The following FCHSD2 variants were observed in gnomAD, a reference collection of about 807,000 sequenced individuals.
FCHSD2 encodes the protein FCH and double SH3 domains 2.
FCHSD2 carries 38 observed loss-of-function variants against 108.1 expected under a neutral mutation model. The observed-to-expected ratio is 0.35, with a 90% CI of 0.27 to 0.46. FCHSD2 has a LOEUF of 0.46. FCHSD2 is among the 20% of genes least tolerant of loss of function. The probability of loss-of-function intolerance (pLI) is 1.00; values close to 1 mark genes in which losing one functional copy is unlikely to be tolerated. For synonymous variants in FCHSD2, 279 were observed against 314.7 expected, an observed-to-expected ratio of 0.89 and a Z score of 1.20; for missense variants, 751 against 897.8, an observed-to-expected ratio of 0.84 and a Z score of 2.09.
chr11:73,004,834 C>A (rs551681522), intron 4 of FCHSD2, among the ~76,000 whole-genome samples: 3 of 152,194 alleles, frequency 2.0e-5, no homozygotes, highest in African/African-American at 7.2e-5. Context: ...CATTCTTCAC[C>A]CACCCTTCTA....
At chr11:73,054,941 T>A (rs1340919811) in intron 3 of FCHSD2, among the ~76,000 whole-genome samples, 1 of 152,146 alleles carries the variant, frequency 6.6e-6, no homozygotes, top group Non-Finnish European at 1.5e-5. Context: ...ATTCTCACGC[T>A]GCTAAATAAA....
chr11:72,993,657 G>A (rs1857462624), intron 5 of FCHSD2, among the ~76,000 whole-genome samples: 2 of 150,724 alleles, frequency 1.3e-5, no homozygotes, highest in African/African-American at 4.9e-5. Flanking sequence ...CTATCGCAAG[G>A]ACAAAAAACC....
chr11:73,085,794 G>C (rs1565403098), intron 2 of FCHSD2, among the ~76,000 whole-genome samples: 1 of 151,868 alleles, frequency 6.6e-6, no homozygotes, highest in African/African-American at 2.4e-5. Flanking sequence ...GGTTCAAGTT[G>C]ATGTTTAAAA....
intron 3 of FCHSD2, among the ~76,000 whole-genome samples, chr11:73,046,750 T>TATTG (rs945894852): frequency 2.0e-4 from 30 of 152,188 alleles, no homozygotes; most frequent in Admixed American, 4.6e-4. Context: ...TTTGTTTGTT[T>TATTG]ATTGATTGAT....
chr11:72,958,622 T>C (rs531112625), intron 8 of FCHSD2, among the ~76,000 whole-genome samples: 1 of 152,238 alleles, frequency 6.6e-6, no homozygotes, highest in African/African-American at 2.4e-5. Flanking sequence ...TATTTTCCTA[T>C]ACTGATCCAT....
chr11:72,992,163 C>T (rs374653615), intron 5 of FCHSD2, among the ~76,000 whole-genome samples: 3 of 152,026 alleles, frequency 2.0e-5, no homozygotes, highest in Admixed American at 2.0e-4. Flanking sequence ...CCATTCACAA[C>T]TGCTTCAAAG....
At chr11:72,849,670 C>A in intron 14 of FCHSD2, 85 bp downstream of exon 14, 1 of 1,068,242 alleles carries the variant, frequency 9.4e-7, no homozygotes, top group Non-Finnish European at 1.4e-6. Flanking sequence ...ATGCTAAGTA[C>A]AGCTTGAGAG....
intron 4 of FCHSD2, among the ~76,000 whole-genome samples, chr11:73,005,506 T>C (rs1857720891): frequency 6.6e-6 from 1 of 152,248 alleles, no homozygotes; most frequent in Non-Finnish European, 1.5e-5. Flanking sequence ...CCAGCCATTC[T>C]TTAGTCTCCT....
chr11:72,902,506 G>T, intron 10 of FCHSD2, 37 bp downstream of exon 10: 3 of 1,411,134 alleles, frequency 2.1e-6, no homozygotes, highest in South Asian at 2.5e-5. Flanking sequence ...AAACACAACT[G>T]AACAACACAT....
At chr11:72,906,767 T>C (rs1442791098) in intron 9 of FCHSD2, among the ~76,000 whole-genome samples, 2 of 152,234 alleles carry the variant, frequency 1.3e-5, no homozygotes, top group Non-Finnish European at 1.5e-5. Flanking sequence ...GCATTTGTTC[T>C]GTTCCACTGG....
At chr11:72,893,089 C>T (rs1030970961) in intron 10 of FCHSD2, among the ~76,000 whole-genome samples, 3 of 152,130 alleles carry the variant, frequency 2.0e-5, no homozygotes, top group African/African-American at 7.2e-5. Context: ...ACCTCTGCCT[C>T]TCGGGTTCAA....
intron 9 of FCHSD2, among the ~76,000 whole-genome samples, chr11:72,921,013 G>T (rs536495707): frequency 3.9e-5 from 6 of 151,982 alleles, no homozygotes; most frequent in Admixed American, 1.3e-4. Context: ...ACACTGTCAT[G>T]TGAAAATGGA....
chr11:73,045,716 A>G (rs1440388516), intron 3 of FCHSD2, among the ~76,000 whole-genome samples: 1 of 151,656 alleles, frequency 6.6e-6, no homozygotes, highest in African/African-American at 2.4e-5. Flanking sequence ...GGAACTGAAC[A>G]ATGAGATCAC....
At chr11:72,901,866 T>G (rs987743296) in intron 10 of FCHSD2, among the ~76,000 whole-genome samples, 4 of 141,286 alleles carry the variant, frequency 2.8e-5, no homozygotes, top group Non-Finnish European at 6.0e-5. Context: ...TCTATTCTGG[T>G]TTTTTTTTTG....
intron 8 of FCHSD2, among the ~76,000 whole-genome samples, chr11:72,952,715 T>G (rs905579393): frequency 9.2e-5 from 14 of 152,106 alleles, no homozygotes; most frequent in Non-Finnish European, 1.5e-4. Context: ...TAGTGGAAGA[T>G]AAGGGAAGGA....
chr11:72,913,781 G>A (rs1335622338), intron 9 of FCHSD2, among the ~76,000 whole-genome samples: 3 of 143,134 alleles, frequency 2.1e-5, no homozygotes, highest in African/African-American at 7.8e-5. Context: ...ATTACTAATG[G>A]ACTCCCTTTC....
At chr11:72,894,845 A>G (rs906496441) in intron 10 of FCHSD2, among the ~76,000 whole-genome samples, 74 of 152,254 alleles carry the variant, frequency 4.9e-4, no homozygotes, top group African/African-American at 1.7e-3. Flanking sequence ...GAAAATATTC[A>G]TATGTTTCAC....
intron 7 of FCHSD2, 65 bp from the exon 8 acceptor site, chr11:72,984,281 C>T (rs1416011656): frequency 4.0e-6 from 6 of 1,515,918 alleles, no homozygotes; most frequent in Non-Finnish European, 5.5e-6. Context: ...ACATAGGAAT[C>T]CTACTCTTAG....
intron 8 of FCHSD2, among the ~76,000 whole-genome samples, chr11:72,922,702 T>C (rs1855998393): frequency 6.6e-6 from 1 of 152,022 alleles, no homozygotes; most frequent in Admixed American, 6.6e-5. Flanking sequence ...ACACTAGCAA[T>C]AACTATGGAA....
Sources: allele counts gnomAD v4.1 joint callset (sites outside exome capture counted in the v4.1 genomes callset), GRCh38; gene constraint gnomAD v4.1.1; transcripts MANE v1.5; gene names NCBI Gene and HGNC (gene_info 2026-07-23, HGNC 2026-07-21).